The following TRPM3 variants were observed in gnomAD, a reference collection of about 807,000 sequenced individuals.
TRPM3 encodes transient receptor potential cation channel subfamily M member 3, also known as long transient receptor potential channel 3.
A neutral mutation model predicts 181.2 loss-of-function variants in TRPM3; 77 were observed. The observed-to-expected ratio is 0.42, with a 90% CI of 0.35 to 0.51. The LOEUF (loss-of-function observed/expected upper bound fraction) is 0.51, where lower values mean the gene tolerates loss of function less well. Ranked by LOEUF, TRPM3 falls within the 20% of genes least tolerant of loss-of-function variation. The pLI, the probability that TRPM3 is intolerant of heterozygous loss-of-function variation, is 0.01. For synonymous variants in TRPM3, 745 were observed against 796.4 expected, an observed-to-expected ratio of 0.94 and a Z score of 1.09; for missense variants, 1,759 against 2,196.7, an observed-to-expected ratio of 0.80 and a Z score of 3.98.
chr9:71,206,823 C>T (rs923400877), intron 1 of TRPM3, among the ~76,000 whole-genome samples: 1 of 152,032 alleles, frequency 6.6e-6, no homozygotes, highest in Admixed American at 6.6e-5. Context: ...GTTTTCCCAA[C>T]ACCACTTATT....
In TRPM3 at chr9:70,974,613, T is replaced by C. The variant is rs537444942; in HGVS notation, c.178-110102A>G. ...GCGTGGTGGCACATGCCTGTAGTCC[T>C]AGCTACTCAGGAGGATGAGGCGGGA... is the stretch of plus-strand genomic sequence containing the variant. On this transcript the variant is annotated intron_variant, in intron 1 of 25. Coordinates refer to ENST00000677713, the MANE Select transcript of TRPM3 (RefSeq NM_001366145.2). Among the ~76,000 whole-genome samples the C allele has an allele frequency of 7.3e-5, 11 of 151,348 alleles. No homozygotes were observed. The South Asian group carries it at 1.0e-3, about 14-fold the overall frequency.
At chr9:70,815,772 T>C (rs1401556111) in intron 6 of TRPM3, among the ~76,000 whole-genome samples, 2 of 152,234 alleles carry the variant, frequency 1.3e-5, no homozygotes, top group Non-Finnish European at 2.9e-5. Context: ...TTTGCATTTG[T>C]TCACTGTATT....
At chr9:71,199,742 G>A (rs1381478297) in intron 1 of TRPM3, among the ~76,000 whole-genome samples, 26 of 118,866 alleles carry the variant, frequency 2.2e-4, no homozygotes, top group South Asian at 2.9e-4. Context: ...TTTTTTTTGC[G>A]TCTATTTGAT....
intron 6 of TRPM3, among the ~76,000 whole-genome samples, chr9:70,813,336 A>G (rs553646290): frequency 6.6e-6 from 1 of 152,370 alleles, no homozygotes; most frequent in Admixed American, 6.5e-5. Flanking sequence ...GCCATAAAAA[A>G]GAATAAAATC....
intron 1 of TRPM3, among the ~76,000 whole-genome samples, chr9:70,869,769 C>T (rs185905952): frequency 6.6e-6 from 1 of 152,044 alleles, no homozygotes; most frequent in East Asian, 1.9e-4. Context: ...GAGCTGTGAC[C>T]ACGGTGGCCT....
chr9:70,538,657 G>T (rs1328493369), intron 25 of TRPM3, among the ~76,000 whole-genome samples: 1 of 152,076 alleles, frequency 6.6e-6, no homozygotes, highest in Non-Finnish European at 1.5e-5. Flanking sequence ...TGAACTCCTG[G>T]GCTCAAGTGC....
At chr9:70,683,428 C>CTGTTTTTTTTT (rs2065963966) in intron 8 of TRPM3, among the ~76,000 whole-genome samples, 1 of 57,458 alleles carries the variant, frequency 1.7e-5, no homozygotes, top group Admixed American at 2.5e-4. Context: ...TCTCTCTCTC[C>CTGTTTTTTTTT]TTTTTTTTTT....
At chr9:71,108,045 C>T (rs1193912417) in intron 1 of TRPM3, among the ~76,000 whole-genome samples, 1 of 152,158 alleles carries the variant, frequency 6.6e-6, no homozygotes, top group Non-Finnish European at 1.5e-5. Flanking sequence ...TGAACACATC[C>T]TGCCATCTTA....
At chr9:70,748,869 G>A (rs560499412) in intron 8 of TRPM3, among the ~76,000 whole-genome samples, 1 of 152,084 alleles carries the variant, frequency 6.6e-6, no homozygotes, top group South Asian at 2.1e-4. Context: ...CGAGGGTTAA[G>A]AAAAAATTAG....
chr9:70,784,585 T>C (rs2083183613), intron 6 of TRPM3, among the ~76,000 whole-genome samples: 1 of 152,114 alleles, frequency 6.6e-6, no homozygotes, highest in Non-Finnish European at 1.5e-5. Context: ...AAAAAGGAAT[T>C]AGTCAACAGA....
intron 1 of TRPM3, among the ~76,000 whole-genome samples, chr9:70,981,696 G>A (rs1459809353): frequency 6.6e-6 from 1 of 152,086 alleles, no homozygotes; most frequent in African/African-American, 2.4e-5. Flanking sequence ...CAAACATTTG[G>A]CAGAGTCTGG....
intron 8 of TRPM3, among the ~76,000 whole-genome samples, chr9:70,757,759 G>A (rs2077344444): frequency 6.6e-6 from 1 of 152,006 alleles, no homozygotes. Flanking sequence ...TGCAGAAAAG[G>A]GCTTTGATAA....
intron 21 of TRPM3, among the ~76,000 whole-genome samples, chr9:70,592,398 A>G (rs2058276484): frequency 6.6e-6 from 1 of 152,204 alleles, no homozygotes; most frequent in South Asian, 2.1e-4. Context: ...TAGTATTTGT[A>G]TCTGACGCTG....
intron 1 of TRPM3, among the ~76,000 whole-genome samples, chr9:71,291,979 A>G (rs1157587804): frequency 6.6e-6 from 1 of 152,088 alleles, no homozygotes; most frequent in Admixed American, 6.6e-5. Context: ...ATGTTCTTTT[A>G]CTACAACAAT....
intron 7 of TRPM3, among the ~76,000 whole-genome samples, chr9:70,778,674 T>C (rs972729193): frequency 1.3e-5 from 2 of 152,196 alleles, no homozygotes; most frequent in Non-Finnish European, 2.9e-5. Flanking sequence ...ATGCTTGATA[T>C]GTCTTTTTTC....
At chr9:70,885,164 G>A (rs1048316185) in intron 1 of TRPM3, among the ~76,000 whole-genome samples, 8 of 152,066 alleles carry the variant, frequency 5.3e-5, no homozygotes, top group South Asian at 2.1e-4. Context: ...CATCCTTGAC[G>A]GTGCCATAAG....
At position 71,420,810 on chromosome 9, in the gene TRPM3, A is replaced by AGAGAGG. The variant is rs2093736652; in HGVS notation, c.183+25842_183+25843insCCTCTC. On this transcript the variant is annotated intron_variant, in intron 1 of 24. Transcript: ENST00000357533. Reference sequence around the variant, plus strand: ...GAAAGAGAGAGAAAGAAAGAGAGAAAGAAAGAGAGAAAGAGAGGGAAAGAA... The same window carrying AGAGAGG: ...GAAAGAGAGAGAAAGAAAGAGAGAAAGAGAGGGAAAGAGAGAAAGAGAGGGAAAGAA... 1.1e-3 allele frequency among the ~76,000 whole-genome samples: 14 copies of AGAGAGG among 12,382 alleles called. 3 individuals are homozygous for AGAGAGG. Among genetic ancestry groups the AGAGAGG allele is most frequent in the African/African-American group, 1.5e-3 (9 of 5,946 alleles). The allele number at this position is 12,382 out of a possible 152,430, so 8.1% of individuals were successfully genotyped here.
intron 1 of TRPM3, among the ~76,000 whole-genome samples, chr9:71,353,356 G>A (rs768401071): frequency 1.2e-3 from 180 of 152,112 alleles, no homozygotes; most frequent in Non-Finnish European, 1.1e-3. Context: ...GTGACTGGCG[G>A]TTAGTACACA....
intron 1 of TRPM3, among the ~76,000 whole-genome samples, chr9:71,240,286 G>A (rs190214517): frequency 3.9e-5 from 6 of 152,216 alleles, no homozygotes; most frequent in Admixed American, 3.9e-4. Context: ...GAAATGTTAA[G>A]TTATTGTGAT....
Sources: allele counts gnomAD v4.1 joint callset (sites outside exome capture counted in the v4.1 genomes callset), GRCh38; gene constraint gnomAD v4.1.1; transcripts MANE v1.5; gene names NCBI Gene and HGNC (gene_info 2026-07-23, HGNC 2026-07-21).